Variants in ESRRG observed in about 807,000 individuals in gnomAD.
The protein encoded by ESRRG is estrogen-related receptor gamma.
ESRRG carries 13 observed loss-of-function variants against 44.0 expected under a neutral mutation model. That is an observed-to-expected ratio of 0.30 (90% confidence interval 0.19 to 0.47). The LOEUF (loss-of-function observed/expected upper bound fraction) is 0.47, where lower values mean the gene tolerates loss of function less well. ESRRG is among the 20% of genes least tolerant of loss of function. The pLI is 1.00. For synonymous variants in ESRRG, 215 were observed against 214.6 expected (o/e 1.00, Z -0.02); for missense variants, 395 against 580.6 (o/e 0.68, Z 3.29).
chr1:216,783,433 T>C (rs550368865), intron 2 of ESRRG, among the ~76,000 whole-genome samples: 8 of 152,242 alleles, frequency 5.3e-5, no homozygotes, highest in South Asian at 4.1e-4. Context: ...AATTCTCTTT[T>C]ACAGTTTCAA....
chr1:216,903,224 C>A (rs1477009904), intron 2 of ESRRG, among the ~76,000 whole-genome samples: 1 of 152,158 alleles, frequency 6.6e-6, no homozygotes, highest in Non-Finnish European at 1.5e-5. Flanking sequence ...TGCTGCACTG[C>A]AGGGAATCCC....
chr1:216,717,770 T>C (rs1306241748), intron 1 of ESRRG, among the ~76,000 whole-genome samples: 3 of 151,838 alleles, frequency 2.0e-5, no homozygotes, highest in African/African-American at 4.8e-5. Context: ...ATAATACTTA[T>C]AGTTTTATAT....
At chr1:216,751,808 G>T (rs1288866861) in intron 2 of ESRRG, among the ~76,000 whole-genome samples, 2 of 146,068 alleles carry the variant, frequency 1.4e-5, no homozygotes, top group African/African-American at 5.0e-5. Context: ...TATCGTATTA[G>T]ATGGAAGAAT....
At chr1:216,815,730 C>T (rs900744244) in intron 2 of ESRRG, among the ~76,000 whole-genome samples, 4 of 152,214 alleles carry the variant, frequency 2.6e-5, no homozygotes, top group Non-Finnish European at 4.4e-5. Flanking sequence ...CCGCACTGAA[C>T]ACAATGAAGC....
chr1:217,096,216 T>C (rs1393860817), intron 1 of ESRRG, among the ~76,000 whole-genome samples: 1 of 152,208 alleles, frequency 6.6e-6, no homozygotes, highest in Non-Finnish European at 1.5e-5. Flanking sequence ...AGTTCTTGCA[T>C]TTCAAGACTC....
intron 1 of ESRRG, among the ~76,000 whole-genome samples, chr1:217,086,657 T>C (rs1455842140): frequency 6.6e-6 from 1 of 152,252 alleles, no homozygotes; most frequent in Non-Finnish European, 1.5e-5. Flanking sequence ...ATAACCTATC[T>C]ATTATTCAAA....
At position 216,629,563 on chromosome 1, in the gene ESRRG, T is replaced by C. The variant is rs552099738; in HGVS notation, c.589+21410A>G. Among the ~76,000 whole-genome samples, 24 of 152,284 alleles carry C rather than the reference T, an allele frequency of 1.6e-4. 1 individual carries two copies. The highest frequency in any genetic ancestry group is 3.4e-3 in the Middle Eastern group (1 of 294). ...TTGGCTCTTATATAGGAATGCTAAC[T>C]TTTTTTCACCAGAGCAGACTCTAAT... On this transcript the variant is annotated intron_variant, in intron 3 of 6. Coordinates refer to ENST00000408911, the MANE Select transcript of ESRRG (RefSeq NM_001438.4).
At chr1:216,760,635 A>C (rs2152339195) in intron 2 of ESRRG, among the ~76,000 whole-genome samples, 1 of 152,134 alleles carries the variant, frequency 6.6e-6, no homozygotes, top group Non-Finnish European at 1.5e-5. Flanking sequence ...ATTTAAATTG[A>C]GAGGGAATAA....
intron 2 of ESRRG, among the ~76,000 whole-genome samples, chr1:216,676,406 T>A (rs1291814640): frequency 1.3e-5 from 2 of 152,220 alleles, no homozygotes; most frequent in Admixed American, 6.5e-5. Context: ...TGGAAGGTTT[T>A]TTTTAATATA....
At chr1:216,770,234 T>C (rs186615918) in intron 2 of ESRRG, among the ~76,000 whole-genome samples, 3 of 152,112 alleles carry the variant, frequency 2.0e-5, no homozygotes, top group East Asian at 1.9e-4. Context: ...TGGTGGTCTA[T>C]AGAGGGGAAA....
chr1:216,684,104 A>G (rs1186191099), intron 1 of ESRRG, among the ~76,000 whole-genome samples: 5 of 152,194 alleles, frequency 3.3e-5, no homozygotes, highest in African/African-American at 1.2e-4. Context: ...GCAAGTATGT[A>G]TGTAGTGTAA....
At chr1:216,645,871 C>CA (rs776262531) in intron 3 of ESRRG, among the ~76,000 whole-genome samples, 38,819 of 90,988 alleles carry the variant, frequency 0.43, 7,767 homozygotes, top group Middle Eastern at 0.51. Flanking sequence ...GACCCCTTCT[C>CA]AAAAAAAAAA....
chr1:217,121,383 A>T (rs1200102514), intron 1 of ESRRG, among the ~76,000 whole-genome samples: 1 of 152,144 alleles, frequency 6.6e-6, no homozygotes, highest in East Asian at 1.9e-4. Flanking sequence ...GTAAAAAGGG[A>T]GTAAAATGAT....
intron 1 of ESRRG, among the ~76,000 whole-genome samples, chr1:217,085,702 G>T (rs2092048749): frequency 6.6e-6 from 1 of 151,590 alleles, no homozygotes; most frequent in Admixed American, 6.6e-5. Context: ...TGTTGGCCAG[G>T]ATGGTCTCAA....
intron 2 of ESRRG, among the ~76,000 whole-genome samples, chr1:216,659,092 G>T (rs2071561982): frequency 6.6e-6 from 1 of 152,122 alleles, no homozygotes; most frequent in African/African-American, 2.4e-5. Context: ...TATGTGAAAT[G>T]AAGATATTAA....
intron 2 of ESRRG, among the ~76,000 whole-genome samples, chr1:216,854,516 A>G (rs2149023420): frequency 6.6e-6 from 1 of 152,292 alleles, no homozygotes. Context: ...ACAAATGTGT[A>G]CACAAGTCTG....
intron 2 of ESRRG, among the ~76,000 whole-genome samples, chr1:216,729,994 G>A (rs2088387071): frequency 6.6e-6 from 1 of 152,134 alleles, no homozygotes; most frequent in Admixed American, 6.5e-5. Context: ...AGTCCAGCTT[G>A]GTTACTTTAC....
intron 6 of ESRRG, 43 bp from the exon 7 acceptor site, chr1:216,507,226 A>T: frequency 7.1e-7 from 1 of 1,416,662 alleles, no homozygotes; most frequent in Non-Finnish European, 9.6e-7. Flanking sequence ...TAATAATAAT[A>T]GCAAACCTAT....
chr1:216,516,175 G>T (rs571082074), intron 6 of ESRRG, among the ~76,000 whole-genome samples: 141 of 152,142 alleles, frequency 9.3e-4, no homozygotes, highest in African/African-American at 3.2e-3. Flanking sequence ...AAAAATAAGA[G>T]AATACATAGC....
Sources: gnomAD v4.1 joint callset for allele counts (sites outside exome capture counted in the v4.1 genomes callset) on GRCh38, gnomAD v4.1.1 for gene constraint, MANE v1.5 for transcripts, NCBI Gene and HGNC (gene_info 2026-07-23, HGNC 2026-07-21) for gene names.